Variants in GRAMD4 observed in about 807,000 individuals in gnomAD.
GRAMD4 encodes the protein GRAM domain containing 4, also known as GRAM domain-containing protein 4.
Under a neutral mutation model 83.9 loss-of-function variants are expected in GRAMD4, and 25 were observed. That is an observed-to-expected ratio of 0.30 (90% CI 0.22 to 0.42). The LOEUF (loss-of-function observed/expected upper bound fraction) is 0.42. Among genes scored for constraint, GRAMD4 ranks in the 10% least tolerant of loss-of-function variants. The pLI is 1.00. For synonymous variants in GRAMD4, 336 were observed against 320.9 expected (o/e 1.05, Z -0.50); for missense variants, 593 against 788.7 (o/e 0.75, Z 2.97).
At chr22:46,650,215 C>T (rs1327049345) in intron 3 of GRAMD4, among the ~76,000 whole-genome samples, 1 of 152,152 alleles carries the variant, frequency 6.6e-6, no homozygotes, top group African/African-American at 2.4e-5. Context: ...AGTCGTGTGC[C>T]AAGAGGACTC....
chr22:46,575,800 C>G (rs1004938910), upstream of GRAMD4, among the ~76,000 whole-genome samples: 1 of 152,216 alleles, frequency 6.6e-6, no homozygotes, highest in Non-Finnish European at 1.5e-5. Flanking sequence ...GCAGCCCTTG[C>G]GGAAGCGCTG....
At chr22:46,589,682 G>C (rs893196435) in intron 1 of GRAMD4, among the ~76,000 whole-genome samples, 1 of 152,134 alleles carries the variant, frequency 6.6e-6, no homozygotes, top group Admixed American at 6.5e-5. Flanking sequence ...GTCCCGCTCT[G>C]TTTGCTTTAT....
At position 46,673,680 on chromosome 22, in the gene GRAMD4, C is replaced by T; in HGVS notation, c.1250C>T (p.Thr417Ile). The T allele has an allele frequency of 4.3e-6, 7 of 1,611,572 alleles. No homozygotes were observed. Among genetic ancestry groups the T allele is most frequent in the East Asian group, 2.2e-5 (1 of 44,844 alleles). ...SAAVSRRLQT[T>I]SSRSYVPSAP... ...GTTTGCCGTTGGCAGCTGCAGACGA[C>T]CTCGTCACGGAGCTACGTACCCAGC... The change falls in exon 15 of 19, where the codon ACC becomes ATC. Residue 417 changes from threonine (T) to isoleucine (I), a missense_variant. Transcript: ENST00000406902.
chr22:46,600,569 G>C (rs1347863820), intron 1 of GRAMD4, among the ~76,000 whole-genome samples: 1 of 152,204 alleles, frequency 6.6e-6, no homozygotes, highest in Non-Finnish European at 1.5e-5. Flanking sequence ...GATGCTGAGT[G>C]GGGGAAGCAC....
chr22:46,581,960 C>T (rs1425886603), intron 1 of GRAMD4, among the ~76,000 whole-genome samples: 1 of 152,162 alleles, frequency 6.6e-6, no homozygotes, highest in Non-Finnish European at 1.5e-5. Context: ...CCTGAGATGG[C>T]CGCGTCTGCA....
intron 3 of GRAMD4, among the ~76,000 whole-genome samples, chr22:46,654,333 G>A (rs2082211034): frequency 1.3e-5 from 2 of 152,316 alleles, no homozygotes; most frequent in African/African-American, 2.4e-5. Flanking sequence ...GGCTCACGCA[G>A]TGGGTTCACA....
At chr22:46,668,657 G>A (rs754153413) in intron 11 of GRAMD4, 32 bp from the exon 12 acceptor site, 6 of 1,604,802 alleles carry the variant, frequency 3.7e-6, no homozygotes, top group Admixed American at 3.3e-5. Flanking sequence ...AGGAGCGGGG[G>A]CTGTTGTAAT....
chr22:46,656,456 C>G (rs2082246507), intron 3 of GRAMD4, among the ~76,000 whole-genome samples: 1 of 152,214 alleles, frequency 6.6e-6, no homozygotes, highest in Admixed American at 6.5e-5. Flanking sequence ...CCTGCTGTTT[C>G]TGTACGGCTA....
intron 13 of GRAMD4, 49 bp downstream of exon 13, chr22:46,668,957 T>A: frequency 9.8e-7 from 1 of 1,017,240 alleles, no homozygotes; most frequent in Non-Finnish European, 1.5e-6. Flanking sequence ...GGGACACAGG[T>A]GTCCGCATGC....
intron 1 of GRAMD4, among the ~76,000 whole-genome samples, chr22:46,608,397 G>T (rs917979162): frequency 2.0e-5 from 3 of 152,190 alleles, no homozygotes; most frequent in African/African-American, 7.2e-5. Flanking sequence ...TAGTATTTTG[G>T]GCCGGGCATG....
chr22:46,585,765 G>A (rs1227678237), intron 1 of GRAMD4, among the ~76,000 whole-genome samples: 2 of 152,240 alleles, frequency 1.3e-5, no homozygotes, highest in Admixed American at 6.5e-5. Context: ...CAGGGAGGGA[G>A]CGACAAGGAG....
intron 1 of GRAMD4, among the ~76,000 whole-genome samples, chr22:46,610,761 G>C (rs907873657): frequency 6.6e-6 from 1 of 152,182 alleles, no homozygotes; most frequent in East Asian, 1.9e-4. Flanking sequence ...TGGTTGCTAG[G>C]AGTGATGGAG....
rs2081570893 is a variant in GRAMD4 at position 46,621,276 on chromosome 22, G to C, written c.-50+711G>C. Among the ~76,000 whole-genome samples, 1 of 152,160 alleles carries C rather than the reference G, an allele frequency of 6.6e-6. No individual in the cohort carries two copies. Among genetic ancestry groups the C allele is most frequent in the Non-Finnish European group, 1.5e-5 (1 of 68,016 alleles). ...CTTGGTTCCTGCATCTGTAAGTTGG[G>C]CGTGTGCTGGGTAATAGTGTCCTCC... On this transcript the variant is annotated intron_variant, in intron 1 of 18. Coordinates refer to ENST00000406902, the MANE Select transcript of GRAMD4 (RefSeq NM_015124.5). This position sits in a 1 kb window ranked among gnomAD's most constrained non-coding sequence, Gnocchi z 5.8.
rs370950420 is a variant in GRAMD4, at chr22:46,586,405, G to A, written c.-50+9115G>A. Among the ~76,000 whole-genome samples, 333 of 152,138 alleles carry A rather than the reference G, an allele frequency of 2.2e-3. 1 individual carries two copies. The highest frequency in any genetic ancestry group is 7.6e-3 in the African/African-American group (316 of 41,518). ...GGCATTTGCCGGGTGATGCTGGCTC[G>A]GAGGGGCTCTGTCCCCTCCTCTGTC... is the stretch of plus-strand genomic sequence containing the variant. On this transcript the variant is annotated intron_variant, in intron 1 of 1. Coordinates refer to the GRAMD4 transcript ENST00000431155.
chr22:46,599,886 C>T (rs1013469188), intron 1 of GRAMD4, among the ~76,000 whole-genome samples: 24 of 151,802 alleles, frequency 1.6e-4, no homozygotes, highest in African/African-American at 5.6e-4. Context: ...GAAGGCTTTC[C>T]CCACGTGGGG....
At chr22:46,676,871 C>T (rs1224996553) in intron 18 of GRAMD4, among the ~76,000 whole-genome samples, 1 of 152,254 alleles carries the variant, frequency 6.6e-6, no homozygotes, top group African/African-American at 2.4e-5. Flanking sequence ...CATCGAGTCA[C>T]CGGACAGACA....
intron 13 of GRAMD4, among the ~76,000 whole-genome samples, chr22:46,669,591 T>C (rs561061438): frequency 3.6e-4 from 55 of 151,784 alleles, no homozygotes; most frequent in African/African-American, 1.2e-3. Flanking sequence ...TTTTTTTTTT[T>C]TGGAGACGGA....
chr22:46,585,777 G>A (rs1027098615), intron 1 of GRAMD4, among the ~76,000 whole-genome samples: 14 of 152,228 alleles, frequency 9.2e-5, no homozygotes, highest in African/African-American at 3.1e-4. Context: ...GACAAGGAGG[G>A]CTCCCTGGAG....
intron 14 of GRAMD4, 87 bp from the exon 15 acceptor site, chr22:46,673,583 T>G: frequency 6.8e-6 from 10 of 1,472,926 alleles, no homozygotes; most frequent in Non-Finnish European, 9.2e-6. Context: ...GATCCCAGCT[T>G]TTGGGGAGGT....
Sources: gnomAD v4.1 joint callset for allele counts (sites outside exome capture counted in the v4.1 genomes callset) on GRCh38, gnomAD v4.1.1 for gene constraint, Gnocchi (gnomAD v3.1) non-coding constraint, MANE v1.5 for transcripts, NCBI Gene and HGNC (gene_info 2026-07-23, HGNC 2026-07-21) for gene names.